WWOX: variants seen among roughly 807,000 people sequenced by gnomAD.
WWOX encodes the protein WW domain-containing oxidoreductase.
WWOX carries 69 observed loss-of-function variants against 46.2 expected under a neutral mutation model. The ratio of observed to expected loss-of-function variants is 1.49; its 90% CI spans 1.23 to 1.82. WWOX has a LOEUF of 1.82. Ranked by LOEUF, WWOX falls within the 40% of genes most tolerant of loss-of-function variation. The probability of loss-of-function intolerance (pLI) is 0.00; values close to 1 mark genes in which losing one functional copy is unlikely to be tolerated. For missense variants in WWOX, 919 were observed against 542.6 expected, an observed-to-expected ratio of 1.69 and a Z score of -6.89; for synonymous variants, 359 against 202.6, an observed-to-expected ratio of 1.77 and a Z score of -6.56.
chr16:78,186,828 G>T (rs2035722250), intron 5 of WWOX, among the ~76,000 whole-genome samples: 1 of 152,170 alleles, frequency 6.6e-6, no homozygotes, highest in Non-Finnish European at 1.5e-5. Context: ...AAGTTGCGAA[G>T]AATAGTCTAT....
chr16:78,443,135 C>CAAA (rs759618827), intron 8 of WWOX, among the ~76,000 whole-genome samples: 33 of 40,234 alleles, frequency 8.2e-4, no homozygotes, highest in African/African-American at 2.5e-3. Context: ...GACTCCATCT[C>CAAA]AAAAAAAAAA....
intron 4 of WWOX, among the ~76,000 whole-genome samples, chr16:78,157,216 C>T (rs1259602833): frequency 1.3e-5 from 2 of 152,134 alleles, no homozygotes; most frequent in Non-Finnish European, 2.9e-5. Flanking sequence ...CTCCCAAATG[C>T]AGTTGTGTTT....
intron 8 of WWOX, among the ~76,000 whole-genome samples, chr16:78,801,750 A>G (rs538045979): frequency 3.9e-4 from 60 of 152,166 alleles, no homozygotes; most frequent in Non-Finnish European, 7.2e-4. Context: ...TCCTTAGTGT[A>G]TATGGATTGA....
intron 8 of WWOX, among the ~76,000 whole-genome samples, chr16:79,190,115 C>T (rs1025592061): frequency 2.6e-5 from 4 of 151,488 alleles, no homozygotes; most frequent in African/African-American, 9.7e-5. Context: ...ACCTCAGTCT[C>T]CCAGGTTAAA....
Position 78,347,722 on chromosome 16 carries a change from C to G in WWOX, c.517-39138C>G, listed in dbSNP as rs2081117368. Among the ~76,000 whole-genome samples, 2 of 122,438 alleles carry G rather than the reference C, an allele frequency of 1.6e-5. 1 individual carries two copies. Among genetic ancestry groups the G allele is most frequent in the African/African-American group, 5.5e-5 (2 of 36,294 alleles). 80.3% of individuals were successfully genotyped at this position (122,438 alleles called of 152,430 possible). A position where few individuals can be genotyped will look rare whatever the true frequency, so the allele number is the denominator to read the frequency against. On this transcript the variant is annotated intron_variant, in intron 5 of 8. Transcript: ENST00000566780. Reference sequence around the variant, plus strand: ...AAAGGTCAAGAAAAATAATTCATATCACTCACTATTCATGAGACTGCTAAA... The same window carrying G: ...AAAGGTCAAGAAAAATAATTCATATGACTCACTATTCATGAGACTGCTAAA...
intron 8 of WWOX, among the ~76,000 whole-genome samples, chr16:79,066,462 A>G (rs2048443660): frequency 6.6e-6 from 1 of 152,046 alleles, no homozygotes; most frequent in Non-Finnish European, 1.5e-5. Context: ...TCAACATAGG[A>G]TCTGTGGAAG....
intron 5 of WWOX, among the ~76,000 whole-genome samples, chr16:78,251,656 C>T (rs78914231): frequency 0.1 from 15,827 of 152,216 alleles, 1,015 homozygotes; most frequent in Non-Finnish European, 0.14. Flanking sequence ...AAAACATTAC[C>T]GCTGAACCCC....
chr16:78,590,643 C>G (rs1360996871), intron 8 of WWOX, among the ~76,000 whole-genome samples: 1 of 152,056 alleles, frequency 6.6e-6, no homozygotes, highest in Non-Finnish European at 1.5e-5. Flanking sequence ...TGTCTTGTAA[C>G]TCAGTAAAAC....
chr16:79,131,166 T>A (rs74625737), intron 8 of WWOX, among the ~76,000 whole-genome samples: 3,371 of 152,142 alleles, frequency 0.022, 122 homozygotes, highest in African/African-American at 0.075. Flanking sequence ...AGGGATGAGC[T>A]CTCCTCTGCA....
rs544229545 is a variant in WWOX at position 78,520,739 on chromosome 16, C to G, written c.1056+87987C>G. On this transcript the variant is annotated intron_variant, in intron 8 of 8. Coordinates refer to ENST00000566780, the MANE Select transcript of WWOX (RefSeq NM_016373.4). ...GCATTGGCCACCCCTGTACCACGGC[C>G]AATGATTCACCCTCCCTAAATCCCA... Among the ~76,000 whole-genome samples the G allele has an allele frequency of 5.9e-5, 9 of 152,102 alleles. No individual in the cohort carries two copies. In the South Asian group the frequency reaches 8.3e-4, roughly 14 times the overall value.
At chr16:78,994,773 A>C (rs2046954178) in intron 8 of WWOX, among the ~76,000 whole-genome samples, 1 of 152,062 alleles carries the variant, frequency 6.6e-6, no homozygotes, top group Non-Finnish European at 1.5e-5. Context: ...CTTTCTTTGG[A>C]GCGGAGCTGG....
At chr16:78,566,433 C>T (rs1567648996) in intron 8 of WWOX, among the ~76,000 whole-genome samples, 1 of 152,154 alleles carries the variant, frequency 6.6e-6, no homozygotes, top group Non-Finnish European at 1.5e-5. Flanking sequence ...CTGAGTTCTG[C>T]CAAAAACCAA....
At chr16:78,711,529 A>T (rs1475692892) in intron 8 of WWOX, among the ~76,000 whole-genome samples, 3 of 152,172 alleles carry the variant, frequency 2.0e-5, no homozygotes, top group African/African-American at 7.2e-5. Context: ...TAATAGTTTG[A>T]AAGGCCAGCC....
At chr16:78,793,314 G>A (rs1037122821) in intron 8 of WWOX, among the ~76,000 whole-genome samples, 2 of 152,162 alleles carry the variant, frequency 1.3e-5, no homozygotes, top group Non-Finnish European at 2.9e-5. Flanking sequence ...GCCTGCCTCA[G>A]CCTCCCAGAG....
At chr16:78,963,065 TACTCTGATATGCACC>T (rs1283765978) in intron 8 of WWOX, among the ~76,000 whole-genome samples, 1 of 152,236 alleles carries the variant, frequency 6.6e-6, no homozygotes, top group Non-Finnish European at 1.5e-5. Context: ...GTACTGTAAG[TACTCTGATATGCACC>T]ACCTAGATTC....
intron 5 of WWOX, among the ~76,000 whole-genome samples, chr16:78,270,046 C>G (rs1475540561): frequency 6.6e-6 from 1 of 150,494 alleles, no homozygotes; most frequent in African/African-American, 2.4e-5. Context: ...GATGTCATAT[C>G]TAACTTTTGA....
chr16:79,021,722 G>A (rs1046497019), intron 8 of WWOX, among the ~76,000 whole-genome samples: 1 of 152,196 alleles, frequency 6.6e-6, no homozygotes, highest in African/African-American at 2.4e-5. Context: ...CCAGTCAGAT[G>A]TTAGTGAAAA....
At chr16:78,915,340 C>G (rs1188221064) in intron 8 of WWOX, among the ~76,000 whole-genome samples, 2 of 152,164 alleles carry the variant, frequency 1.3e-5, no homozygotes, top group Non-Finnish European at 1.5e-5. Context: ...TGCTGTGTGT[C>G]TGCGATTCAA....
chr16:78,132,399 G>A, intron 4 of WWOX, among the ~76,000 whole-genome samples: 1 of 152,188 alleles, frequency 6.6e-6, no homozygotes, highest in East Asian at 1.9e-4. Context: ...ATCTACAGTA[G>A]GTATGGAGTG....
Sources: gnomAD v4.1 joint callset for allele counts (sites outside exome capture counted in the v4.1 genomes callset) on GRCh38, gnomAD v4.1.1 for gene constraint, MANE v1.5 for transcripts, NCBI Gene and HGNC (gene_info 2026-07-23, HGNC 2026-07-21) for gene names.